FAM107B: variants seen among roughly 807,000 people sequenced by gnomAD.
FAM107B encodes the protein family with sequence similarity 107 member B, also known as protein FAM107B.
FAM107B carries 21 observed loss-of-function variants against 31.5 expected under a neutral mutation model. The ratio of observed to expected loss-of-function variants is 0.67; its 90% CI spans 0.47 to 0.96. The LOEUF (loss-of-function observed/expected upper bound fraction) is 0.96. Ranked by LOEUF, FAM107B falls within the 40% of genes least tolerant of loss-of-function variation. The pLI is 0.00. For synonymous variants in FAM107B, 157 were observed against 141.5 expected (o/e 1.11, Z -0.78); for missense variants, 452 against 377.1 (o/e 1.20, Z -1.64).
Position 14,696,985 on chromosome 10 carries a change from C to T in FAM107B, c.412-29294G>A, listed in dbSNP as rs550366722. On this transcript the variant is annotated intron_variant, in intron 1 of 4. Transcript: ENST00000181796. ...ACTGTGTCCCCAACCCCCACTACTA[C>T]GCAACCAGGCCTAACAACTTTATTC... Among the ~76,000 whole-genome samples the T allele has an allele frequency of 4.5e-4, 69 of 152,286 alleles. No homozygotes were observed. The South Asian group carries it at 0.012, about 27-fold the overall frequency.
intron 2 of FAM107B, among the ~76,000 whole-genome samples, chr10:14,540,649 A>G (rs1848098562): frequency 6.6e-6 from 1 of 152,196 alleles, no homozygotes; most frequent in South Asian, 2.1e-4. Flanking sequence ...TCTCTCGATC[A>G]TGCCTCTGGA....
chr10:14,672,461 T>C (rs1854584147), intron 1 of FAM107B, among the ~76,000 whole-genome samples: 1 of 152,252 alleles, frequency 6.6e-6, no homozygotes, highest in Admixed American at 6.5e-5. Context: ...CTATTAAAAT[T>C]TGTCAAACAA....
chr10:14,672,106 T>TTA (rs200928715), intron 1 of FAM107B, among the ~76,000 whole-genome samples: 22,557 of 149,920 alleles, frequency 0.15, 2,072 homozygotes, highest in Middle Eastern at 0.24. Flanking sequence ...ATTTATTTAT[T>TTA]TTTTTTTTTG....
At position 14,554,428 on chromosome 10, in the gene FAM107B, G is replaced by A. The variant is rs140222156; in HGVS notation, c.470-23913C>T. 5.6e-4 allele frequency among the ~76,000 whole-genome samples: 86 copies of A among 152,300 alleles called. 1 individual carries two copies. In the East Asian group the frequency reaches 0.015, roughly 27 times the overall value. On this transcript the variant is annotated intron_variant, in intron 2 of 4. Coordinates refer to ENST00000181796, the MANE Select transcript of FAM107B (RefSeq NM_031453.4). Reference sequence around the variant, plus strand: ...GGCCGGAACTCAGACTGGGCAGGAGGAATGAGCTGGGAGAACCATTAGATT... The same window carrying A: ...GGCCGGAACTCAGACTGGGCAGGAGAAATGAGCTGGGAGAACCATTAGATT...
Position 14,561,667 on chromosome 10 carries a change from T to C in FAM107B, c.470-31152A>G, listed in dbSNP as rs143853933. The stretch of plus-strand genomic sequence containing the variant: ...AATGATAATAACACTCCTCATTCCT[T>C]ATTTAGATCTGTAAACCTTTCCTAG... On this transcript the variant is annotated intron_variant, in intron 2 of 4. Transcript: ENST00000181796. 2.4e-3 allele frequency among the ~76,000 whole-genome samples: 361 copies of C among 152,312 alleles called. 1 individual carries two copies. The highest frequency in any genetic ancestry group is 7.7e-3 in the African/African-American group (321 of 41,568).
chr10:14,643,378 C>T (rs1654862621), intron 2 of FAM107B, among the ~76,000 whole-genome samples: 1 of 150,888 alleles, frequency 6.6e-6, no homozygotes, highest in Non-Finnish European at 1.5e-5. Flanking sequence ...TTACTCAGGT[C>T]TTCAAAGACC....
intron 1 of FAM107B, among the ~76,000 whole-genome samples, chr10:14,744,359 C>T (rs772829619): frequency 1.6e-4 from 25 of 152,142 alleles, no homozygotes; most frequent in Non-Finnish European, 3.7e-4. Flanking sequence ...TGCCTGATTG[C>T]CCTGACCAGA....
intron 1 of FAM107B, among the ~76,000 whole-genome samples, chr10:14,718,679 C>G (rs796617758): frequency 1.1e-4 from 16 of 152,236 alleles, no homozygotes; most frequent in African/African-American, 3.9e-4. Flanking sequence ...GGCTGACATC[C>G]AAATCTAATT....
chr10:14,733,962 T>C (rs1413223111), intron 1 of FAM107B, among the ~76,000 whole-genome samples: 2 of 152,200 alleles, frequency 1.3e-5, no homozygotes, highest in Non-Finnish European at 2.9e-5. Context: ...AGAGAGGACT[T>C]TGAGAGGAGA....
At chr10:14,708,603 G>A (rs919756419) in intron 1 of FAM107B, among the ~76,000 whole-genome samples, 1 of 151,722 alleles carries the variant, frequency 6.6e-6, no homozygotes, top group Non-Finnish European at 1.5e-5. Flanking sequence ...TTAACCCAGT[G>A]GTATGTCTAA....
intron 2 of FAM107B, among the ~76,000 whole-genome samples, chr10:14,535,881 A>G (rs2130907346): frequency 6.6e-6 from 1 of 152,368 alleles, no homozygotes; most frequent in East Asian, 1.9e-4. Context: ...GAGCACTGGG[A>G]AATCCCATGC....
chr10:14,667,563 C>G (rs1854435965), intron 2 of FAM107B, 71 bp downstream of exon 2: 6 of 1,520,146 alleles, frequency 3.9e-6, no homozygotes, highest in South Asian at 2.3e-5. Flanking sequence ...ATCTGAAAAG[C>G]CTTAGGATGC....
chr10:14,552,706 G>A lies in FAM107B; in HGVS notation c.470-22191C>T, dbSNP rs977118712. 5.9e-5 allele frequency among the ~76,000 whole-genome samples: 9 copies of A among 152,104 alleles called. No homozygotes were observed. In the East Asian group the frequency reaches 7.7e-4, roughly 13 times the overall value. ...ACAAAAATTAGCCAGGCACACACTC[G>A]TAATCCCAGCTACTTGGGAGGCTGA... On this transcript the variant is annotated intron_variant, in intron 2 of 4. Transcript: ENST00000181796.
chr10:14,592,130 C>T (rs146522196), intron 2 of FAM107B, among the ~76,000 whole-genome samples: 9 of 152,292 alleles, frequency 5.9e-5, no homozygotes, highest in African/African-American at 9.6e-5. Context: ...TCCCCGATCC[C>T]GTGCCATCTG....
chr10:14,724,206 G>A (rs1588732599), intron 1 of FAM107B, among the ~76,000 whole-genome samples: 1 of 152,214 alleles, frequency 6.6e-6, no homozygotes, highest in South Asian at 2.1e-4. Flanking sequence ...CTTATATTTA[G>A]GTCTTCTTTT....
At chr10:14,598,665 G>A (rs185058786) in intron 2 of FAM107B, among the ~76,000 whole-genome samples, 7 of 152,222 alleles carry the variant, frequency 4.6e-5, no homozygotes, top group South Asian at 2.1e-4. Flanking sequence ...AACACCGTAC[G>A]CTTAAAAATC....
rs191557711 is a variant in FAM107B, at chr10:14,692,970, C to T, written c.412-25279G>A. Among the ~76,000 whole-genome samples the T allele has an allele frequency of 4.0e-4, 61 of 152,296 alleles. No individual in the cohort carries two copies. The East Asian group carries it at 0.01, about 26-fold the overall frequency. On this transcript the variant is annotated intron_variant, in intron 1 of 4. Coordinates refer to ENST00000181796, the MANE Select transcript of FAM107B (RefSeq NM_031453.4). ...GATCATTCCGTGCACAGGGCTATGACGATCCATGCAAAAATCGCAGTGATG... is the reference window on the plus strand; with the variant it reads ...GATCATTCCGTGCACAGGGCTATGATGATCCATGCAAAAATCGCAGTGATG...
At chr10:14,524,248 G>A (rs930656526) in intron 3 of FAM107B, among the ~76,000 whole-genome samples, 2 of 151,996 alleles carry the variant, frequency 1.3e-5, no homozygotes, top group African/African-American at 2.4e-5. Context: ...TCACCATGTT[G>A]GCCAGGCTGG....
At chr10:14,746,230 G>A (rs1000121694) in intron 1 of FAM107B, among the ~76,000 whole-genome samples, 7 of 152,132 alleles carry the variant, frequency 4.6e-5, no homozygotes, top group African/African-American at 1.7e-4. Context: ...GCACACCAAT[G>A]GGTTTTGACT....
Sources: allele counts gnomAD v4.1 joint callset (sites outside exome capture counted in the v4.1 genomes callset), GRCh38; gene constraint gnomAD v4.1.1; transcripts MANE v1.5; gene names NCBI Gene and HGNC (gene_info 2026-07-23, HGNC 2026-07-21).